TMEM106B: variants seen among roughly 807,000 people sequenced by gnomAD.
TMEM106B encodes the protein transmembrane protein 106B.
TMEM106B carries 15 observed loss-of-function variants against 31.1 expected under a neutral mutation model. That is an observed-to-expected ratio of 0.48 (90% CI 0.32 to 0.74). The LOEUF (loss-of-function observed/expected upper bound fraction) is 0.74. Among genes scored for constraint, TMEM106B ranks in the 30% least tolerant of loss-of-function variants. TMEM106B has a pLI of 0.03. For synonymous variants in TMEM106B, 126 were observed against 112.5 expected (o/e 1.12, Z -0.76); for missense variants, 283 against 327.3 (o/e 0.86, Z 1.04).
intron 5 of TMEM106B, 157 bp from the exon 6 acceptor site, chr7:12,230,232 A>C (rs938817501): frequency 7.3e-6 from 5 of 685,144 alleles, no homozygotes; most frequent in South Asian, 3.3e-5. Flanking sequence ...GAAAAAAAAG[A>C]AAAAGAAATG....
chr7:12,218,676 A>C (rs911866514), intron 3 of TMEM106B, among the ~76,000 whole-genome samples, 155 bp downstream of exon 3: 2 of 152,204 alleles, frequency 1.3e-5, no homozygotes, highest in African/African-American at 4.8e-5. Context: ...CCTTAAACAG[A>C]CAAGAAAGGA....
At chr7:12,212,326 T>C (rs1384442740) in intron 1 of TMEM106B, among the ~76,000 whole-genome samples, 1 of 152,088 alleles carries the variant, frequency 6.6e-6, no homozygotes, top group African/African-American at 2.4e-5. Flanking sequence ...TGATCCCAAT[T>C]CATCTAGTGT....
intron 4 of TMEM106B, among the ~76,000 whole-genome samples, chr7:12,226,708 C>T (rs941182739): frequency 2.6e-5 from 4 of 151,840 alleles, no homozygotes; most frequent in South Asian, 2.1e-4. Flanking sequence ...AAATGGATCC[C>T]GTGGATCCAT....
chr7:12,224,576 A>G (rs958080666), intron 4 of TMEM106B, among the ~76,000 whole-genome samples, 191 bp downstream of exon 4: 2 of 152,184 alleles, frequency 1.3e-5, no homozygotes, highest in Non-Finnish European at 2.9e-5. Context: ...AATACTGGCA[A>G]TTCTGTATAT....
chr7:12,227,360 T>G (rs1272542295), intron 4 of TMEM106B, among the ~76,000 whole-genome samples: 1 of 152,058 alleles, frequency 6.6e-6, no homozygotes, highest in Non-Finnish European at 1.5e-5. Context: ...CTATAATGTA[T>G]AAAGATTTTT....
intron 3 of TMEM106B, among the ~76,000 whole-genome samples, chr7:12,222,714 G>A (rs1303287660): frequency 6.6e-6 from 1 of 152,186 alleles, no homozygotes; most frequent in Admixed American, 6.5e-5. Context: ...GAGTGAGTGG[G>A]AACTGTTTTG....
chr7:12,232,619 T>C lies in TMEM106B; in HGVS notation c.*644T>C, dbSNP rs1001672395. On this transcript the variant is annotated 3_prime_UTR_variant, in exon 8 of 8. Transcript: ENST00000396668. ...TACCTAAAATTTTGAAAGCCCCTAA[T>C]GTTTTCACACATCTTTCTGTATTAG... 1.3e-5 allele frequency: 2 copies of C among 152,360 alleles called. No individual in the cohort carries two copies. The highest frequency in any genetic ancestry group is 4.8e-5 in the African/African-American group (2 of 41,444). 9.4% of individuals were successfully genotyped at this position (152,360 alleles called of 1,614,324 possible). A position where few individuals can be genotyped will look rare whatever the true frequency, so the allele number is the denominator to read the frequency against.
At chr7:12,224,710 A>G (rs920362747) in intron 4 of TMEM106B, among the ~76,000 whole-genome samples, 1 of 152,216 alleles carries the variant, frequency 6.6e-6, no homozygotes, top group African/African-American at 2.4e-5. Context: ...GTGTTGACAT[A>G]GTTGATTTGA....
At chr7:12,220,188 A>C (rs914441063) in intron 3 of TMEM106B, among the ~76,000 whole-genome samples, 2 of 152,196 alleles carry the variant, frequency 1.3e-5, no homozygotes, top group African/African-American at 4.8e-5. Context: ...TTATTACAAA[A>C]TGTATAGACA....
chr7:12,225,111 C>T (rs10950397), intron 4 of TMEM106B, among the ~76,000 whole-genome samples: 76,570 of 151,850 alleles, frequency 0.5, 20,397 homozygotes, highest in African/African-American at 0.66. Flanking sequence ...AGTGAGAACA[C>T]GTGGTGTTTG....
In TMEM106B at chr7:12,233,136, T is replaced by A. The variant is rs1422487155; in HGVS notation, c.*1161T>A. The A allele has an allele frequency of 6.6e-6, 1 of 151,820 alleles. No individual in the cohort carries two copies. The highest frequency in any genetic ancestry group is 1.5e-5 in the Non-Finnish European group (1 of 67,756). The allele number at this position is 151,820 out of a possible 1,614,324, so 9.4% of individuals were successfully genotyped here. ...ATATGATGCCTCTAGTAGTTACTTT[T>A]TTATAGTTTTCTACTTTTGGTTTTA... On this transcript the variant is annotated 3_prime_UTR_variant, in exon 8 of 8. Transcript: ENST00000396668.
chr7:12,236,816 T>G lies in TMEM106B; in HGVS notation c.*4841T>G, dbSNP rs934743568. 4.6e-5 allele frequency: 7 copies of G among 152,084 alleles called. No homozygotes were observed. Among genetic ancestry groups the G allele is most frequent in the African/African-American group, 1.7e-4 (7 of 41,444 alleles). 9.4% of individuals were successfully genotyped at this position (152,084 alleles called of 1,614,324 possible). A position where few individuals can be genotyped will look rare whatever the true frequency, so the allele number is the denominator to read the frequency against. ...TATAATGGTTTTAGGCATAAATTAT[T>G]AACAAGCCATGCCTTATGTGTTTCA... On this transcript the variant is annotated 3_prime_UTR_variant, in exon 8 of 8. Coordinates refer to ENST00000396668, the MANE Select transcript of TMEM106B (RefSeq NM_001134232.2).
rs777878619 is a variant in TMEM106B, at chr7:12,224,321, T to C, written c.377T>C (p.Ile126Thr). The change falls in exon 4 of 8, where the codon ATT becomes ACT. Residue 126 changes from isoleucine (I) to threonine (T), a missense_variant. Around this residue, in one of 3 missense-constraint regions of TMEM106B, gnomAD observed 201 missense variants for 211.5 expected, o/e 0.95. Transcript: ENST00000396668. The part of the protein sequence containing the change: ...LFPRSIDVKY[I>T]GVKSAYVSYD... ...CCTCGCTCTATCGACGTGAAATACA[T>C]TGGTGTAAAATCAGCCTATGTCAGT... The C allele has an allele frequency of 6.2e-7, 1 of 1,614,066 alleles. No homozygotes were observed. Among genetic ancestry groups the C allele is most frequent in the Non-Finnish European group, 8.5e-7 (1 of 1,179,934 alleles).
chr7:12,217,719 AG>A (rs1281674462), intron 2 of TMEM106B, among the ~76,000 whole-genome samples: 1 of 152,168 alleles, frequency 6.6e-6, no homozygotes, highest in Admixed American at 6.5e-5. Flanking sequence ...TGAGAGGAAG[AG>A]TATAGATGTG....
chr7:12,213,332 T>C (rs980875872), intron 1 of TMEM106B, among the ~76,000 whole-genome samples: 6 of 149,012 alleles, frequency 4.0e-5, no homozygotes, highest in Non-Finnish European at 7.6e-5. Context: ...GGGCTTTTTA[T>C]TGTTGTTGCG....
In TMEM106B at chr7:12,235,930, AAGAGT is replaced by A. The variant is rs1299265962; in HGVS notation, c.*3957_*3961del. ...GCAACTACTTGGCTCAAGTACATAT[AAGAGT>A]AATTAGTTTTATTCTCTCTTTTTTA... On this transcript the variant is annotated 3_prime_UTR_variant, in exon 8 of 8. Coordinates refer to ENST00000396668, the MANE Select transcript of TMEM106B (RefSeq NM_001134232.2). 2.0e-5 allele frequency: 3 copies of A among 151,950 alleles called. No homozygotes were observed. In the East Asian group the frequency reaches 5.8e-4, roughly 29 times the overall value. The allele number at this position is 151,950 out of a possible 1,614,324, so 9.4% of individuals were successfully genotyped here.
At position 12,239,155 on chromosome 7, in the gene TMEM106B, A is replaced by T. The variant is rs1257780586; in HGVS notation, c.*7180A>T. The T allele has an allele frequency of 6.6e-6, 1 of 152,190 alleles. No individual in the cohort carries two copies. The highest frequency in any genetic ancestry group is 1.9e-4 in the East Asian group (1 of 5,184). The allele number at this position is 152,190 out of a possible 1,614,324, so 9.4% of individuals were successfully genotyped here. A position where few individuals can be genotyped will look rare whatever the true frequency, so the allele number is the denominator to read the frequency against. On this transcript the variant is annotated 3_prime_UTR_variant, in exon 8 of 8. Transcript: ENST00000396668. The stretch of plus-strand genomic sequence containing the variant: ...TACTGCAGGTTCTCCATCAGCACTT[A>T]CTGCTTCACCTTGCACTTTTATATT...
Position 12,224,259 on chromosome 7 carries a change from T to C in TMEM106B, c.315T>C (p.Cys105=). ...ATGTGATGGCTTCTGTGTTTGTCTG[T>C]CTACTCCTTTCTGGATTGGCTGTGT... The part of the protein sequence containing the change: ...KLYVMASVFV[C]LLLSGLAVFF... The change falls in exon 4 of 8, where the codon TGT becomes TGC. Residue 105 remains cysteine, a synonymous_variant. Coordinates refer to ENST00000396668, the MANE Select transcript of TMEM106B (RefSeq NM_001134232.2). 1 of 1,614,118 alleles carries C rather than the reference T, an allele frequency of 6.2e-7. No individual in the cohort carries two copies. Among genetic ancestry groups the C allele is most frequent in the Non-Finnish European group, 8.5e-7 (1 of 1,179,966 alleles).
At chr7:12,216,215 G>A (rs946763581) in intron 2 of TMEM106B, among the ~76,000 whole-genome samples, 1 of 152,040 alleles carries the variant, frequency 6.6e-6, no homozygotes, top group African/African-American at 2.4e-5. Flanking sequence ...GGGTAGGGGA[G>A]TACTGTTTTA....
Sources: allele counts gnomAD v4.1 joint callset (sites outside exome capture counted in the v4.1 genomes callset), GRCh38; gene constraint gnomAD v4.1.1; regional missense constraint gnomAD v4.1.1; transcripts MANE v1.5; gene names NCBI Gene and HGNC (gene_info 2026-07-23, HGNC 2026-07-21).